Variants in HTT observed in about 807,000 individuals in gnomAD.
The protein encoded by HTT is huntington disease protein.
In HTT, 104 loss-of-function variants were observed where a neutral mutation model predicts 362.3. The ratio of observed to expected loss-of-function variants is 0.29; its 90% CI spans 0.24 to 0.34. The LOEUF is 0.34. HTT is among the 10% of genes least tolerant of loss of function. The pLI, the probability that HTT is intolerant of heterozygous loss-of-function variation, is 1.00. For synonymous variants in HTT, 1,577 were observed against 1,548.7 expected, an observed-to-expected ratio of 1.02 and a Z score of -0.43; for missense variants, 3,301 against 3,928.6, an observed-to-expected ratio of 0.84 and a Z score of 4.27.
At position 3,239,950 on chromosome 4, in the gene HTT, T is replaced by A. The variant is rs777105838; in HGVS notation, c.9320T>A (p.Leu3107His). Residue 3107 changes from leucine to histidine, a missense_variant, in exon 67 of 67, where the codon CTC (leucine) becomes CAC (histidine). Leu to His is a moderately conservative substitution (Grantham distance 99, BLOSUM62 -3). Around this residue, in one of 4 missense-constraint regions of HTT, gnomAD observed 753 missense variants for 1,021.3 expected, o/e 0.74. Transcript: ENST00000355072. ...DFYRHQIEEELDRRAFQSVLE... is the reference protein window; with the variant it reads ...DFYRHQIEEEHDRRAFQSVLE... ...TACAGACACCAGATAGAGGAGGAGC[T>A]CGACCGCAGGGCCTTCCAGTCTGTG... 1 of 1,588,858 alleles carries A rather than the reference T, an allele frequency of 6.3e-7. No individual in the cohort carries two copies. The highest frequency in any genetic ancestry group is 8.6e-7 in the Non-Finnish European group (1 of 1,166,860).
intron 26 of HTT, among the ~76,000 whole-genome samples, chr4:3,153,653 T>C (rs1446111977): frequency 6.6e-6 from 1 of 152,198 alleles, no homozygotes; most frequent in East Asian, 1.9e-4. Flanking sequence ...TTGGGCACGG[T>C]GGCTCATGCC....
Position 3,228,186 on chromosome 4 carries a change from A to C in HTT, c.7849-429A>C, listed in dbSNP as rs1721010547. The stretch of plus-strand genomic sequence containing the variant: ...ACTGCGTGGTGGCTGCGTGATCTAG[A>C]GCGCGGGTCACAAAGGCGCGAGGGA... On this transcript the variant is annotated intron_variant, in intron 57 of 66. Transcript: ENST00000355072. The surrounding 1 kb of genome is among the most constrained non-coding windows in gnomAD (Gnocchi z 4.3). 6.6e-6 allele frequency among the ~76,000 whole-genome samples: 1 copy of C among 152,142 alleles called. No homozygotes were observed. Among genetic ancestry groups the C allele is most frequent in the Non-Finnish European group, 1.5e-5 (1 of 68,024 alleles).
rs182742024 is a variant in HTT, at chr4:3,176,027, T to A, written c.4407+920T>A. Among the ~76,000 whole-genome samples the A allele has an allele frequency of 4.2e-5, 6 of 141,972 alleles. No homozygotes were observed. The East Asian group carries it at 9.7e-4, about 23-fold the overall frequency. 93.1% of individuals were successfully genotyped at this position (141,972 alleles called of 152,430 possible). A position where few individuals can be genotyped will look rare whatever the true frequency, so the allele number is the denominator to read the frequency against. On this transcript the variant is annotated intron_variant, in intron 33 of 66. Coordinates refer to ENST00000355072, the MANE Select transcript of HTT (RefSeq NM_001388492.1). Reference sequence around the variant, plus strand: ...TGTTTTTTTTGTTGTTGTTGTTTGTTTTTTTTTGTTTTTTTTTTGAGATGG... The same window carrying A: ...TGTTTTTTTTGTTGTTGTTGTTTGTATTTTTTTGTTTTTTTTTTGAGATGG...
chr4:3,172,833 T>C (rs1236203652), intron 30 of HTT, 75 bp from the exon 31 acceptor site: 1 of 1,016,786 alleles, frequency 9.8e-7, no homozygotes, highest in Non-Finnish European at 1.6e-6. Flanking sequence ...TACAGATGGA[T>C]TTGATATTTG....
intron 1 of HTT, among the ~76,000 whole-genome samples, chr4:3,083,556 C>T (rs1041083689): frequency 0.053 from 7,919 of 148,252 alleles, 475 homozygotes; most frequent in African/African-American, 0.13. Flanking sequence ...CACACACACA[C>T]ACACACACAC....
rs775389427 is a variant in HTT at position 3,233,319 on chromosome 4, G to A, written c.8422G>A (p.Asp2808Asn). The change falls in exon 61 of 67, where the codon GAC becomes AAC. Residue 2808 changes from aspartate (D) to asparagine (N), a missense_variant. Around this residue, in one of 4 missense-constraint regions of HTT, gnomAD observed 753 missense variants for 1,021.3 expected, o/e 0.74. Coordinates refer to ENST00000355072, the MANE Select transcript of HTT (RefSeq NM_001388492.1). ...CAAGCAGCTCATCCCGGTCATCAGC[G>A]ACTATCTCCTCTCCAACCTGAAAGG... ...TAKQLIPVIS[D>N]YLLSNLKGIA... is the part of the protein sequence containing the mutation. 4.4e-6 allele frequency: 7 copies of A among 1,607,518 alleles called. No individual in the cohort carries two copies. Among genetic ancestry groups the A allele is most frequent in the Admixed American group, 1.7e-5 (1 of 59,922 alleles).
chr4:3,104,017 A>G (rs1714290455), intron 4 of HTT, 134 bp downstream of exon 4: 1 of 585,196 alleles, frequency 1.7e-6, no homozygotes, highest in Non-Finnish European at 3.0e-6. Context: ...ACAATACATA[A>G]TAATCACACC....
chr4:3,116,444 C>T (rs556647285), intron 8 of HTT, among the ~76,000 whole-genome samples, 181 bp downstream of exon 8: 74 of 152,266 alleles, frequency 4.9e-4, no homozygotes, highest in Non-Finnish European at 8.8e-4. Flanking sequence ...TCCCTGTCAC[C>T]GTGAGTCAAA....
chr4:3,105,458 T>C (rs370527218), intron 5 of HTT, 22 bp downstream of exon 5: 12 of 1,557,038 alleles, frequency 7.7e-6, no homozygotes, highest in Admixed American at 3.3e-5. Context: ...ACTCTGGATG[T>C]TGGTTTTTGT....
chr4:3,161,833 G>C (rs554310557), intron 29 of HTT, among the ~76,000 whole-genome samples: 75 of 152,262 alleles, frequency 4.9e-4, no homozygotes, highest in African/African-American at 1.5e-3. Context: ...TCTTTTGTCA[G>C]ATGGGTAGAT....
intron 2 of HTT, among the ~76,000 whole-genome samples, chr4:3,090,528 T>C (rs1170470706): frequency 6.6e-6 from 1 of 152,190 alleles, no homozygotes; most frequent in African/African-American, 2.4e-5. Context: ...CTCCCATATA[T>C]TAGCATAAAT....
At chr4:3,106,708 C>T (rs1002229047) in intron 5 of HTT, among the ~76,000 whole-genome samples, 2 of 152,066 alleles carry the variant, frequency 1.3e-5, no homozygotes, top group Admixed American at 6.6e-5. Context: ...TAGTTCTCAG[C>T]GGAACAGTCA....
chr4:3,110,603 A>G (rs141511796), intron 6 of HTT, among the ~76,000 whole-genome samples: 312 of 152,340 alleles, frequency 2.0e-3, no homozygotes, highest in Non-Finnish European at 3.6e-3. Context: ...GCATTCATAA[A>G]AATGCCATTT....
Position 3,215,094 on chromosome 4 carries a change from TC to T in HTT, c.6953-15del. On this transcript the variant is annotated splice_polypyrimidine_tract_variant and intron_variant, in intron 50 of 66. Transcript: ENST00000355072. ...AGTGTGTAGAAATTCTTCTCTTTGT[TC>T]TGTTGTAATTTTAGTTGCAGTGCAG... is the stretch of plus-strand genomic sequence containing the variant. The T allele has an allele frequency of 6.3e-7, 1 of 1,589,210 alleles. No homozygotes were observed. The highest frequency in any genetic ancestry group is 8.6e-7 in the Non-Finnish European group (1 of 1,158,112).
chr4:3,194,220 G>A (rs944076278), intron 40 of HTT, among the ~76,000 whole-genome samples: 1 of 152,152 alleles, frequency 6.6e-6, no homozygotes, highest in East Asian at 1.9e-4. Context: ...ATAATACCTG[G>A]TTCAGGAACT....
chr4:3,236,738 C>T (rs1164847873), intron 64 of HTT, among the ~76,000 whole-genome samples: 1 of 152,178 alleles, frequency 6.6e-6, no homozygotes, highest in East Asian at 1.9e-4. Flanking sequence ...CTTTGAGACC[C>T]GTGTGGTCAG....
chr4:3,169,690 C>T (rs1435846658), intron 29 of HTT, among the ~76,000 whole-genome samples: 1 of 152,122 alleles, frequency 6.6e-6, no homozygotes, highest in Non-Finnish European at 1.5e-5. Context: ...TCTTCTGCCT[C>T]AGCCTCCCGA....
At chr4:3,077,469 G>T (rs1011979559) in intron 1 of HTT, among the ~76,000 whole-genome samples, 2 of 152,030 alleles carry the variant, frequency 1.3e-5, no homozygotes, top group Non-Finnish European at 2.9e-5. Context: ...ACCCAGGCTG[G>T]AGTGCAGTGA....
Position 3,074,902 on chromosome 4 carries a change from AGCAGCAGCAGCAGCAGCAGCAGCAGCAG to A in HTT, c.78_105del (p.Gln26HisfsTer66). The A allele has an allele frequency of 1.3e-6, 2 of 1,488,746 alleles. No homozygotes were observed. The highest frequency in any genetic ancestry group is 8.9e-7 in the Non-Finnish European group (1 of 1,119,826). The allele number at this position is 1,488,746 out of a possible 1,614,324, so 92.2% of individuals were successfully genotyped here. ...CAGCAGCAGCAGCAGCAGCAGCAGC[AGCAGCAGCAGCAGCAGCAGCAGCAGCAG>A]CAGCAACAGCCGCCACCGCCGCCGC... On this transcript the variant is annotated frameshift_variant, in exon 1 of 67. Coordinates refer to ENST00000355072, the MANE Select transcript of HTT (RefSeq NM_001388492.1). LOFTEE classifies it high-confidence loss of function.
Sources: gnomAD v4.1 joint callset for allele counts (sites outside exome capture counted in the v4.1 genomes callset) on GRCh38, gnomAD v4.1.1 for gene constraint, gnomAD v4.1.1 regional missense constraint, Gnocchi (gnomAD v3.1) non-coding constraint, MANE v1.5 for transcripts, NCBI Gene and HGNC (gene_info 2026-07-23, HGNC 2026-07-21) for gene names.